Variants in RFT1 observed in about 807,000 individuals in gnomAD.
RFT1 encodes the protein RFT1 glycolipid translocator homolog, also known as man(5)GlcNAc(2)-PP-dolichol translocation protein RFT1.
A neutral mutation model predicts 62.2 loss-of-function variants in RFT1; 43 were observed. The observed-to-expected ratio is 0.69, with a 90% CI of 0.54 to 0.89. RFT1 has a LOEUF of 0.89. Among genes scored for constraint, RFT1 ranks in the 40% least tolerant of loss-of-function variants. RFT1 has a pLI of 0.00. For synonymous variants in RFT1, 262 were observed against 264.6 expected (o/e 0.99, Z 0.10); for missense variants, 605 against 649.9 (o/e 0.93, Z 0.75).
chr3:53,110,990 G>A (rs933768444), intron 7 of RFT1, among the ~76,000 whole-genome samples: 10 of 152,018 alleles, frequency 6.6e-5, no homozygotes, highest in Admixed American at 1.3e-4. Flanking sequence ...TAAACTGAAA[G>A]GACCAAAGTC....
intron 10 of RFT1, among the ~76,000 whole-genome samples, chr3:53,101,910 G>T (rs1364035364): frequency 6.6e-6 from 1 of 152,002 alleles, no homozygotes; most frequent in African/African-American, 2.4e-5. Context: ...GTGGTAGGGT[G>T]TGCCTGTAAT....
intron 9 of RFT1, among the ~76,000 whole-genome samples, chr3:53,104,934 G>A (rs979076577): frequency 6.6e-6 from 1 of 152,238 alleles, no homozygotes; most frequent in African/African-American, 2.4e-5. Flanking sequence ...GGTGTGGTGA[G>A]CGAAAGCCAA....
chr3:53,109,840 A>T (rs1701597965), intron 7 of RFT1, among the ~76,000 whole-genome samples: 1 of 152,120 alleles, frequency 6.6e-6, no homozygotes, highest in Admixed American at 6.6e-5. Flanking sequence ...AAAAAACAAA[A>T]AAAACCACCA....
intron 6 of RFT1, among the ~76,000 whole-genome samples, chr3:53,113,214 G>C (rs1701700953): frequency 1.3e-5 from 2 of 151,818 alleles, no homozygotes; most frequent in South Asian, 4.2e-4. Flanking sequence ...TGAGGGTCTT[G>C]CTGCATTGCC....
chr3:53,076,390 T>C, the RFT1 span, among the ~76,000 whole-genome samples: 1 of 152,170 alleles, frequency 6.6e-6, no homozygotes, highest in Admixed American at 6.5e-5. Context: ...TTTGGTCAGA[T>C]TTGTATGATT....
intron 11 of RFT1, among the ~76,000 whole-genome samples, chr3:53,097,933 G>A (rs529963466): frequency 1.3e-5 from 2 of 152,322 alleles, no homozygotes; most frequent in East Asian, 3.9e-4. Context: ...ACCACATCTA[G>A]ACTACTATTT....
In RFT1 at chr3:53,103,294, A is replaced by T. The variant is rs1395733535; in HGVS notation, c.1102+659T>A. The T allele has an allele frequency of 3.0e-6, 3 of 985,278 alleles. No individual in the cohort carries two copies. In the Admixed American group the frequency reaches 1.8e-4, roughly 61 times the overall value. 61.0% of individuals were successfully genotyped at this position (985,278 alleles called of 1,614,324 possible). On this transcript the variant is annotated intron_variant, in intron 10 of 12. Coordinates refer to ENST00000296292, the MANE Select transcript of RFT1 (RefSeq NM_052859.4). ...GAGAAATTAAAAACATCTTTGCTAA[A>T]CCCAAGATGAAGCACTGCAAATGGA...
At chr3:53,111,062 T>C (rs1176909564) in intron 7 of RFT1, among the ~76,000 whole-genome samples, 1 of 152,002 alleles carries the variant, frequency 6.6e-6, no homozygotes, top group South Asian at 2.1e-4. Context: ...GATTAGGGAA[T>C]TGACATAATT....
At chr3:53,086,514 C>T (rs1481502979), downstream of RFT1, among the ~76,000 whole-genome samples, 2 of 152,080 alleles carry the variant, frequency 1.3e-5, no homozygotes, top group African/African-American at 2.4e-5. Context: ...CGGGGTTTCA[C>T]CATGTTGGCC....
At chr3:53,106,950 T>C in intron 7 of RFT1, 81 bp from the exon 8 acceptor site, 1 of 1,037,152 alleles carries the variant, frequency 9.6e-7, no homozygotes, top group Non-Finnish European at 1.5e-6. Flanking sequence ...AGCTATCAAC[T>C]TTTCCAGCTG....
At chr3:53,078,727 T>C in the RFT1 span, among the ~76,000 whole-genome samples, 3 of 152,122 alleles carry the variant, frequency 2.0e-5, no homozygotes, top group African/African-American at 7.2e-5. Flanking sequence ...AGGCAGCAGC[T>C]CCAGATCCTG....
In RFT1 at chr3:53,092,469, T is replaced by C. The variant is rs761109723; in HGVS notation, c.1358A>G (p.Tyr453Cys). Residue 453 changes from tyrosine (Y) to cysteine (C), a missense_variant, in exon 12 of 13, where the codon TAC (tyrosine) becomes TGC (cysteine). Physicochemically the swap from Tyr to Cys is radical, Grantham distance 194 (BLOSUM62 -2). Coordinates refer to ENST00000296292, the MANE Select transcript of RFT1 (RefSeq NM_052859.4). Reference protein sequence around the residue: ...ITQSLCFIHRYYRRSPHRPLA... With the variant: ...ITQSLCFIHRCYRRSPHRPLA... ...GGGCCTGTGGGGGCTCCTTCGGTAG[T>C]AGCGGTGGATGAAGCAAAGGCTCTG... 7 of 1,612,156 alleles carry C rather than the reference T, an allele frequency of 4.3e-6. No individual in the cohort carries two copies. Among genetic ancestry groups the C allele is most frequent in the Admixed American group, 3.3e-5 (2 of 59,778 alleles).
chr3:53,083,443 T>C, the RFT1 span, among the ~76,000 whole-genome samples: 1 of 145,820 alleles, frequency 6.9e-6, no homozygotes, highest in Admixed American at 6.9e-5. Context: ...TGCAGGGAGC[T>C]ATGGTCATGC....
the RFT1 span, among the ~76,000 whole-genome samples, chr3:53,071,908 G>A: frequency 1.3e-5 from 2 of 152,232 alleles, no homozygotes; most frequent in Non-Finnish European, 2.9e-5. Context: ...AGCCCAGTGA[G>A]GGGCAGCAGG....
chr3:53,100,561 CCACA>C (rs1454538226), intron 10 of RFT1, among the ~76,000 whole-genome samples: 2 of 152,156 alleles, frequency 1.3e-5, no homozygotes, highest in Admixed American at 6.6e-5. Context: ...CGTGGGCCAT[CCACA>C]CAAAGGAATA....
rs1701998803 is a variant in RFT1, at chr3:53,122,510, A to G, written c.320T>C (p.Leu107Pro). The G allele has an allele frequency of 6.2e-7, 1 of 1,614,028 alleles. No homozygotes were observed. Among genetic ancestry groups the G allele is most frequent in the Non-Finnish European group, 8.5e-7 (1 of 1,179,900 alleles). ...AACATTAGGATCAGGCACTTCAAGC[A>G]GCTGCAACCAGATCCAGCCCAGGAA... ...SLFLGWIWLQLLEVPDPNVVP... is the reference protein window; with the variant it reads ...SLFLGWIWLQPLEVPDPNVVP... Residue 107 changes from leucine to proline, a missense_variant, in exon 4 of 13, where the codon CTG becomes CCG. Physicochemically the swap from Leu to Pro is moderately conservative, Grantham distance 98. Coordinates refer to ENST00000296292, the MANE Select transcript of RFT1 (RefSeq NM_052859.4).
At chr3:53,067,871 G>A in the RFT1 span, among the ~76,000 whole-genome samples, 5 of 152,334 alleles carry the variant, frequency 3.3e-5, no homozygotes, top group South Asian at 8.3e-4. Flanking sequence ...ACATGTAAAT[G>A]GCAGTTTACA....
chr3:53,128,920 C>A (rs966031237), intron 1 of RFT1, among the ~76,000 whole-genome samples: 3 of 152,240 alleles, frequency 2.0e-5, no homozygotes, highest in African/African-American at 7.2e-5. Flanking sequence ...GTGATTTCCT[C>A]ACTGTCACAC....
chr3:53,124,925 T>G (rs890280205), intron 2 of RFT1, among the ~76,000 whole-genome samples: 2 of 152,160 alleles, frequency 1.3e-5, no homozygotes, highest in African/African-American at 4.8e-5. Context: ...TGAGCCATGA[T>G]GGCGCCACTG....
Sources: gnomAD v4.1 joint callset for allele counts (sites outside exome capture counted in the v4.1 genomes callset) on GRCh38, gnomAD v4.1.1 for gene constraint, MANE v1.5 for transcripts, NCBI Gene and HGNC (gene_info 2026-07-23, HGNC 2026-07-21) for gene names.